PSMD14: variants seen among roughly 807,000 people sequenced by gnomAD.
PSMD14 encodes ubiquitin C-terminal hydrolase PSMD14.
A neutral mutation model predicts 41.2 loss-of-function variants in PSMD14; 7 were observed. The observed-to-expected ratio is 0.17, with a 90% confidence interval of 0.10 to 0.32. The LOEUF (loss-of-function observed/expected upper bound fraction) is 0.32, where lower values mean the gene tolerates loss of function less well. Ranked by LOEUF, PSMD14 falls within the 10% of genes least tolerant of loss-of-function variation. The pLI is 1.00. For missense variants in PSMD14, 139 were observed against 375.6 expected, an observed-to-expected ratio of 0.37 and a Z score of 5.21; for synonymous variants, 114 against 122.3, an observed-to-expected ratio of 0.93 and a Z score of 0.45.
chr2:161,345,982 C>T (rs1683036233), intron 3 of PSMD14, among the ~76,000 whole-genome samples: 1 of 152,136 alleles, frequency 6.6e-6, no homozygotes, highest in South Asian at 2.1e-4. Context: ...GCCTTGACTT[C>T]CCAGGCTTAG....
intron 10 of PSMD14, among the ~76,000 whole-genome samples, chr2:161,399,483 C>A (rs1243938003): frequency 6.6e-6 from 1 of 152,022 alleles, no homozygotes; most frequent in Non-Finnish European, 1.5e-5. Context: ...TATTGAGGAA[C>A]AAGTGGTGTT....
intron 7 of PSMD14, among the ~76,000 whole-genome samples, chr2:161,373,016 A>C (rs1683460525): frequency 6.6e-6 from 1 of 151,868 alleles, no homozygotes; most frequent in Non-Finnish European, 1.5e-5. Context: ...TAGAGTAAAT[A>C]AATGTAAATG....
intron 3 of PSMD14, among the ~76,000 whole-genome samples, chr2:161,324,183 T>C (rs893808826): frequency 1.3e-5 from 2 of 152,240 alleles, no homozygotes; most frequent in African/African-American, 2.4e-5. Context: ...TGAGTTTCTG[T>C]GTATCAGGTA....
intron 3 of PSMD14, among the ~76,000 whole-genome samples, chr2:161,319,610 T>C (rs1345185323): frequency 2.0e-5 from 3 of 152,132 alleles, no homozygotes; most frequent in African/African-American, 7.2e-5. Context: ...CCTAAGACTT[T>C]TATATATGCA....
chr2:161,395,194 T>C lies in PSMD14; in HGVS notation c.762T>C (p.Asn254=), dbSNP rs1385441329. Residue 254 remains asparagine, a synonymous_variant, in exon 10 of 12, where the codon AAT becomes AAC. Coordinates refer to ENST00000409682, the MANE Select transcript of PSMD14 (RefSeq NM_005805.6). ...VVKEMLELAK[N]YNKAVEEEDK... ...AAGAGATGTTGGAATTAGCCAAGAA[T>C]TACAATAAGGTAAAAGTTACTTCTG... 1.2e-5 allele frequency: 19 copies of C among 1,585,870 alleles called. No homozygotes were observed. Among genetic ancestry groups the C allele is most frequent in the Non-Finnish European group, 1.5e-5 (18 of 1,166,078 alleles).
chr2:161,337,648 GT>G (rs1682887855), intron 3 of PSMD14, among the ~76,000 whole-genome samples: 3 of 152,310 alleles, frequency 2.0e-5, no homozygotes, highest in Middle Eastern at 6.8e-3. Context: ...AGAAATGATT[GT>G]TCTTAGTTTA....
At chr2:161,309,462 A>G (rs1689064714) in intron 1 of PSMD14, among the ~76,000 whole-genome samples, 1 of 152,250 alleles carries the variant, frequency 6.6e-6, no homozygotes, top group South Asian at 2.1e-4. Context: ...TCCACTGGTC[A>G]CAAGTGTTTT....
chr2:161,330,300 A>G (rs1009061521), intron 3 of PSMD14, among the ~76,000 whole-genome samples: 1 of 152,238 alleles, frequency 6.6e-6, no homozygotes, highest in African/African-American at 2.4e-5. Context: ...GGTAGAAAGT[A>G]TATGGGAAAG....
At chr2:161,368,690 T>C (rs1352443006) in intron 5 of PSMD14, among the ~76,000 whole-genome samples, 1 of 152,104 alleles carries the variant, frequency 6.6e-6, no homozygotes, top group Non-Finnish European at 1.5e-5. Context: ...TCTTCTTTGC[T>C]AGGCAATATT....
rs200362732 is a variant in PSMD14, at chr2:161,403,580, T to A, written c.772-5257T>A. On this transcript the variant is annotated intron_variant, in intron 10 of 11. Coordinates refer to ENST00000409682, the MANE Select transcript of PSMD14 (RefSeq NM_005805.6). ...ATTGGTTCATGTCACTACCGTGCTT[T>A]TAAAAAGCCTTTGATGACTGACTTC... is the stretch of plus-strand genomic sequence containing the variant. 2.6e-5 allele frequency among the ~76,000 whole-genome samples: 4 copies of A among 152,196 alleles called. No individual in the cohort carries two copies. In the East Asian group the frequency reaches 7.7e-4, roughly 29 times the overall value.
intron 3 of PSMD14, among the ~76,000 whole-genome samples, chr2:161,350,523 C>T (rs1683103335): frequency 6.6e-6 from 1 of 152,288 alleles, no homozygotes; most frequent in South Asian, 2.1e-4. Flanking sequence ...CAGGGCCTAA[C>T]CAGCCATTTG....
chr2:161,389,471 C>T (rs1191829935), intron 8 of PSMD14, among the ~76,000 whole-genome samples: 2 of 152,076 alleles, frequency 1.3e-5, no homozygotes, highest in Non-Finnish European at 2.9e-5. Flanking sequence ...CATTTTTATG[C>T]ACTAAAATTT....
chr2:161,314,342 G>A (rs1455968150), intron 1 of PSMD14, among the ~76,000 whole-genome samples: 1 of 152,058 alleles, frequency 6.6e-6, no homozygotes, highest in Non-Finnish European at 1.5e-5. Flanking sequence ...TTTGGTTTTA[G>A]AAATATATTG....
intron 2 of PSMD14, among the ~76,000 whole-genome samples, chr2:161,317,721 A>G (rs1689161200): frequency 6.6e-6 from 1 of 152,220 alleles, no homozygotes; most frequent in African/African-American, 2.4e-5. Flanking sequence ...ATATAAGTAC[A>G]TTATTGAGTT....
intron 10 of PSMD14, among the ~76,000 whole-genome samples, chr2:161,405,221 T>C (rs1438461982): frequency 6.6e-6 from 1 of 152,204 alleles, no homozygotes; most frequent in African/African-American, 2.4e-5. Flanking sequence ...TCCCTTTCCC[T>C]GTTACTACTA....
At chr2:161,315,265 C>T (rs1365405476) in intron 1 of PSMD14, among the ~76,000 whole-genome samples, 1 of 152,132 alleles carries the variant, frequency 6.6e-6, no homozygotes. Flanking sequence ...CCACGAACAA[C>T]AAAAAATTAT....
intron 3 of PSMD14, among the ~76,000 whole-genome samples, chr2:161,358,889 A>G (rs903102288): frequency 1.7e-4 from 26 of 152,218 alleles, no homozygotes; most frequent in African/African-American, 5.8e-4. Flanking sequence ...GGGCATAGCC[A>G]TCTAGCACAT....
intron 3 of PSMD14, among the ~76,000 whole-genome samples, chr2:161,333,483 A>G (rs1284539271): frequency 6.6e-6 from 1 of 152,216 alleles, no homozygotes; most frequent in Non-Finnish European, 1.5e-5. Flanking sequence ...CCAACTCACT[A>G]TGAAAGGCAG....
intron 7 of PSMD14, among the ~76,000 whole-genome samples, chr2:161,378,385 C>G (rs558525104): frequency 2.6e-5 from 4 of 151,912 alleles, no homozygotes; most frequent in Admixed American, 1.3e-4. Flanking sequence ...ATATTGTTAA[C>G]AAGCTACTGA....
Sources: allele counts gnomAD v4.1 joint callset (sites outside exome capture counted in the v4.1 genomes callset), GRCh38; gene constraint gnomAD v4.1.1; transcripts MANE v1.5; gene names NCBI Gene and HGNC (gene_info 2026-07-23, HGNC 2026-07-21).